Variants in OR9Q1 observed in about 807,000 individuals in gnomAD.
OR9Q1 encodes olfactory receptor 9Q1.
For missense variants in OR9Q1, 374 were observed against 378.8 expected (o/e 0.99, Z 0.11); for synonymous variants, 153 against 148.6 (o/e 1.03, Z -0.22).
At chr11:58,158,690 C>A (rs1307732959) in intron 2 of OR9Q1, among the ~76,000 whole-genome samples, 6 of 152,094 alleles carry the variant, frequency 3.9e-5, no homozygotes, top group Admixed American at 6.6e-5. Flanking sequence ...CAGGAGAGGC[C>A]ACCTGACTCA....
At chr11:58,125,030 C>G (rs993711939) in intron 2 of OR9Q1, among the ~76,000 whole-genome samples, 1 of 152,184 alleles carries the variant, frequency 6.6e-6, no homozygotes, top group Non-Finnish European at 1.5e-5. Context: ...CCAGGTCTGT[C>G]TTATTCCAAA....
intron 2 of OR9Q1, among the ~76,000 whole-genome samples, chr11:58,087,485 C>T (rs1264167338): frequency 3.3e-5 from 5 of 151,884 alleles, no homozygotes; most frequent in Non-Finnish European, 1.5e-5. Context: ...ACTACTTTCT[C>T]ATCATAGAGG....
chr11:58,115,919 A>G (rs1349589684), intron 2 of OR9Q1, among the ~76,000 whole-genome samples: 1 of 152,142 alleles, frequency 6.6e-6, no homozygotes, highest in Non-Finnish European at 1.5e-5. Flanking sequence ...TTGCTCCTAT[A>G]TCTTGGCTGT....
At chr11:58,030,904 C>A in intron 1 of OR9Q1, 1 of 1,152,618 alleles carries the variant, frequency 8.7e-7, no homozygotes, top group Non-Finnish European at 1.3e-6. Flanking sequence ...TCTCTTTGAG[C>A]TCTCATTGTC....
intron 2 of OR9Q1, among the ~76,000 whole-genome samples, chr11:58,110,472 C>A (rs1043602645): frequency 6.6e-6 from 1 of 152,138 alleles, no homozygotes; most frequent in African/African-American, 2.4e-5. Flanking sequence ...GTTTATGGAG[C>A]CTTTATTCTG....
chr11:58,035,961 A>G (rs118100418), intron 1 of OR9Q1, among the ~76,000 whole-genome samples: 1 of 102,792 alleles, frequency 9.7e-6, no homozygotes, highest in Non-Finnish European at 2.1e-5. Context: ...TTTTTTTTTT[A>G]CAAATTGAAG....
chr11:58,134,832 A>C (rs925930346), intron 2 of OR9Q1, among the ~76,000 whole-genome samples: 1 of 152,168 alleles, frequency 6.6e-6, no homozygotes, highest in Non-Finnish European at 1.5e-5. Flanking sequence ...TGACACTTGG[A>C]CATGTCAATT....
intron 1 of OR9Q1, among the ~76,000 whole-genome samples, chr11:58,048,406 C>T (rs947112183): frequency 5.9e-5 from 9 of 151,510 alleles, no homozygotes; most frequent in Non-Finnish European, 1.3e-4. Context: ...TGGTGGCTCA[C>T]GCCTGTAATC....
At chr11:58,168,140 T>C (rs1854522977) in intron 2 of OR9Q1, among the ~76,000 whole-genome samples, 1 of 152,198 alleles carries the variant, frequency 6.6e-6, no homozygotes, top group African/African-American at 2.4e-5. Context: ...CTACCCACCA[T>C]CCAGATTTGT....
chr11:58,030,380 C>T (rs940906166), intron 1 of OR9Q1, among the ~76,000 whole-genome samples: 15 of 152,130 alleles, frequency 9.9e-5, no homozygotes, highest in African/African-American at 2.7e-4. Context: ...TGTAGATTTC[C>T]CCCTTGACAT....
intron 2 of OR9Q1, among the ~76,000 whole-genome samples, chr11:58,145,621 A>G (rs1590614490): frequency 6.6e-6 from 1 of 152,330 alleles, no homozygotes; most frequent in African/African-American, 2.4e-5. Flanking sequence ...TCTCATCAGT[A>G]AAAATTTCTG....
At chr11:58,119,421 T>G (rs1465602286) in intron 2 of OR9Q1, 6 of 1,610,170 alleles carry the variant, frequency 3.7e-6, no homozygotes, top group Non-Finnish European at 4.2e-6. Context: ...ATTCGGTTAC[T>G]CTGGTGAGAT....
At chr11:58,065,019 GAC>G (rs1251529035) in intron 2 of OR9Q1, among the ~76,000 whole-genome samples, 2 of 152,066 alleles carry the variant, frequency 1.3e-5, no homozygotes, top group African/African-American at 2.4e-5. Flanking sequence ...TGGGCAGATA[GAC>G]ACACACAGAC....
intron 2 of OR9Q1, among the ~76,000 whole-genome samples, chr11:58,113,406 G>C (rs954214643): frequency 6.6e-6 from 1 of 152,158 alleles, no homozygotes; most frequent in Non-Finnish European, 1.5e-5. Context: ...AACAAGTCCA[G>C]GATGGGACCA....
chr11:58,076,549 C>T (rs181373794), intron 2 of OR9Q1, among the ~76,000 whole-genome samples: 1 of 152,200 alleles, frequency 6.6e-6, no homozygotes, highest in Non-Finnish European at 1.5e-5. Context: ...CTTCAAATCT[C>T]TTTTATGGGC....
At chr11:58,092,417 T>G (rs1349397903) in intron 2 of OR9Q1, among the ~76,000 whole-genome samples, 2 of 152,060 alleles carry the variant, frequency 1.3e-5, no homozygotes, top group Non-Finnish European at 2.9e-5. Context: ...TAGAATGTTT[T>G]TCATTAATTT....
chr11:58,130,804 CAA>C (rs71454318), intron 2 of OR9Q1, among the ~76,000 whole-genome samples: 1 of 129,192 alleles, frequency 7.7e-6, no homozygotes. Context: ...AAGACTGTCT[CAA>C]AAAAAAAAAA....
At chr11:58,093,736 GA>G (rs1853705140) in intron 2 of OR9Q1, among the ~76,000 whole-genome samples, 1 of 118,260 alleles carries the variant, frequency 8.5e-6, no homozygotes, top group African/African-American at 3.4e-5. Flanking sequence ...CTCCAGCCTG[GA>G]TGACAGAGCG....
At chr11:58,108,246 T>C (rs1025713511) in intron 2 of OR9Q1, among the ~76,000 whole-genome samples, 2 of 152,150 alleles carry the variant, frequency 1.3e-5, no homozygotes, top group Admixed American at 6.5e-5. Flanking sequence ...TGGTAGGTTA[T>C]CCATACCACA....
Sources: gnomAD v4.1 joint callset for allele counts (sites outside exome capture counted in the v4.1 genomes callset) on GRCh38, gnomAD v4.1.1 for gene constraint, MANE v1.5 for transcripts, NCBI Gene and HGNC (gene_info 2026-07-23, HGNC 2026-07-21) for gene names.